Variants in ADAMTS20 observed in about 807,000 individuals in gnomAD.
ADAMTS20 encodes A disintegrin and metalloproteinase with thrombospondin motifs 20.
Under a neutral mutation model 260.1 loss-of-function variants are expected in ADAMTS20, and 225 were observed. That is an observed-to-expected ratio of 0.87 (90% CI 0.78 to 0.97). The LOEUF (loss-of-function observed/expected upper bound fraction) is 0.97. Among genes scored for constraint, ADAMTS20 ranks in the 50% least tolerant of loss-of-function variants. ADAMTS20 has a pLI of 0.00. For missense variants in ADAMTS20, 2,400 were observed against 2,337.7 expected, an observed-to-expected ratio of 1.03 and a Z score of -0.55; for synonymous variants, 802 against 769.5, an observed-to-expected ratio of 1.04 and a Z score of -0.70.
chr12:43,472,288 A>C (rs1279291741), intron 7 of ADAMTS20, among the ~76,000 whole-genome samples: 1 of 152,108 alleles, frequency 6.6e-6, no homozygotes, highest in Non-Finnish European at 1.5e-5. Flanking sequence ...TTTACAGAAA[A>C]AAGAATGAAA....
At chr12:43,412,435 G>A (rs1005095905) in intron 28 of ADAMTS20, among the ~76,000 whole-genome samples, 1 of 152,156 alleles carries the variant, frequency 6.6e-6, no homozygotes, top group Non-Finnish European at 1.5e-5. Context: ...ATGATCTTTA[G>A]TCCCACAAAA....
chr12:43,369,456 T>C (rs1469191284), intron 36 of ADAMTS20, 75 bp from the exon 37 acceptor site: 2 of 736,784 alleles, frequency 2.7e-6, no homozygotes, highest in East Asian at 3.7e-5. Flanking sequence ...AGAGTTTTCT[T>C]ATTACTTACT....
At chr12:43,383,452 T>C (rs1940397470) in intron 31 of ADAMTS20, 106 bp downstream of exon 31, 1 of 1,114,016 alleles carries the variant, frequency 9.0e-7, no homozygotes, top group African/African-American at 1.6e-5. Flanking sequence ...CATACCATCA[T>C]CTGCCCTCAT....
chr12:43,459,745 C>A (rs1348476722), intron 11 of ADAMTS20, among the ~76,000 whole-genome samples: 1 of 151,934 alleles, frequency 6.6e-6, no homozygotes, highest in Non-Finnish European at 1.5e-5. Flanking sequence ...TAGAAAAAGT[C>A]ATTCAATATA....
chr12:43,418,286 G>A (rs1242212008), intron 28 of ADAMTS20, among the ~76,000 whole-genome samples: 1 of 152,064 alleles, frequency 6.6e-6, no homozygotes, highest in Non-Finnish European at 1.5e-5. Context: ...GTTTGGAAAC[G>A]TTTCTCCTGC....
chr12:43,488,274 T>C (rs1304940872), intron 7 of ADAMTS20, among the ~76,000 whole-genome samples: 1 of 152,114 alleles, frequency 6.6e-6, no homozygotes, highest in Non-Finnish European at 1.5e-5. Flanking sequence ...ATGTGTTATA[T>C]GGTTAACCAT....
At chr12:43,543,335 T>G (rs1294255772) in intron 2 of ADAMTS20, among the ~76,000 whole-genome samples, 1 of 151,920 alleles carries the variant, frequency 6.6e-6, no homozygotes, top group Admixed American at 6.6e-5. Flanking sequence ...AGAAAAGTAA[T>G]CAAGGAGCTC....
In ADAMTS20 at chr12:43,361,044, C is replaced by G. The variant is rs934830865; in HGVS notation, c.5539-4456G>C. 3.3e-5 allele frequency among the ~76,000 whole-genome samples: 5 copies of G among 152,308 alleles called. No individual in the cohort carries two copies. In the East Asian group the frequency reaches 9.6e-4, roughly 29 times the overall value. ...CAAAACATTTACTTTACTTTACTTTCGACATATGCATTCTAAAGTCACACC... is the reference window on the plus strand; with the variant it reads ...CAAAACATTTACTTTACTTTACTTTGGACATATGCATTCTAAAGTCACACC... On this transcript the variant is annotated intron_variant, in intron 37 of 38. Transcript: ENST00000389420.
At chr12:43,371,042 A>G (rs1030450623) in intron 36 of ADAMTS20, among the ~76,000 whole-genome samples, 2 of 152,172 alleles carry the variant, frequency 1.3e-5, no homozygotes, top group African/African-American at 4.8e-5. Flanking sequence ...AACTTGCAAG[A>G]TAAAATTCAA....
At chr12:43,543,716 T>C (rs187754785) in intron 2 of ADAMTS20, among the ~76,000 whole-genome samples, 11 of 152,302 alleles carry the variant, frequency 7.2e-5, no homozygotes, top group East Asian at 3.9e-4. Context: ...ATAAAGACTA[T>C]TGGTGATCAC....
intron 2 of ADAMTS20, among the ~76,000 whole-genome samples, chr12:43,540,829 G>A (rs275626): frequency 0.93 from 141,361 of 152,226 alleles, 66,067 homozygotes; most frequent in East Asian, 0.99. Flanking sequence ...TTGATTACTT[G>A]ATGATCTTCT....
At chr12:43,473,413 C>T (rs1321070141) in intron 7 of ADAMTS20, among the ~76,000 whole-genome samples, 1 of 47,010 alleles carries the variant, frequency 2.1e-5, no homozygotes, top group Admixed American at 3.0e-4. Context: ...CCACTGTCAA[C>T]ATTAGACAAA....
chr12:43,475,560 T>C (rs1454223622), intron 7 of ADAMTS20, among the ~76,000 whole-genome samples: 4 of 152,044 alleles, frequency 2.6e-5, no homozygotes, highest in Non-Finnish European at 5.9e-5. Flanking sequence ...AGAACAAAGC[T>C]GGAGGCATCA....
intron 37 of ADAMTS20, among the ~76,000 whole-genome samples, chr12:43,363,515 T>A (rs954660267): frequency 1.3e-5 from 2 of 152,168 alleles, no homozygotes; most frequent in African/African-American, 4.8e-5. Flanking sequence ...GCACTCTATT[T>A]ATTGAGCAGG....
intron 18 of ADAMTS20, among the ~76,000 whole-genome samples, chr12:43,437,771 C>T (rs1941584467): frequency 6.6e-6 from 1 of 151,994 alleles, no homozygotes; most frequent in African/African-American, 2.4e-5. Context: ...AACAGGGAAT[C>T]TAACACAGAA....
intron 29 of ADAMTS20, among the ~76,000 whole-genome samples, chr12:43,386,876 A>G (rs564890916): frequency 6.6e-6 from 1 of 152,290 alleles, no homozygotes; most frequent in East Asian, 1.9e-4. Context: ...TATTCTTGTT[A>G]GCAATTCCCC....
intron 28 of ADAMTS20, chr12:43,423,747 A>G: frequency 1.4e-6 from 1 of 702,516 alleles, no homozygotes; most frequent in Non-Finnish European, 2.6e-6. Flanking sequence ...TGTAAACTCC[A>G]TAGGGATAAG....
Position 43,466,860 on chromosome 12 carries a change from C to T in ADAMTS20, c.1224-65G>A. 4 of 1,195,118 alleles carry T rather than the reference C, an allele frequency of 3.3e-6. No individual in the cohort carries two copies. In the South Asian group the frequency reaches 4.2e-5, roughly 13 times the overall value. 74.0% of individuals were successfully genotyped at this position (1,195,118 alleles called of 1,614,324 possible). A position where few individuals can be genotyped will look rare whatever the true frequency, so the allele number is the denominator to read the frequency against. ...ATGCTTACGATATTAGTAATAGATC[C>T]TTTATAGTCACATTATAATACAATA... On this transcript the variant is annotated intron_variant, in intron 8 of 38. Transcript: ENST00000389420.
chr12:43,375,808 G>A (rs533242993), intron 35 of ADAMTS20, among the ~76,000 whole-genome samples: 9 of 152,110 alleles, frequency 5.9e-5, no homozygotes, highest in Non-Finnish European at 8.8e-5. Context: ...CTCTATGTCC[G>A]ACTTCTCACC....
Sources: gnomAD v4.1 joint callset for allele counts (sites outside exome capture counted in the v4.1 genomes callset) on GRCh38, gnomAD v4.1.1 for gene constraint, MANE v1.5 for transcripts, NCBI Gene and HGNC (gene_info 2026-07-23, HGNC 2026-07-21) for gene names.